IGF2R: variants seen among roughly 807,000 people sequenced by gnomAD.
The protein encoded by IGF2R is cation-independent mannose-6-phosphate receptor.
In IGF2R, 91 loss-of-function variants were observed where a neutral mutation model predicts 270.6. The observed-to-expected ratio is 0.34, with a 90% confidence interval of 0.28 to 0.40. The LOEUF (loss-of-function observed/expected upper bound fraction) is 0.40, where lower values mean the gene tolerates loss of function less well. Ranked by LOEUF, IGF2R falls within the 10% of genes least tolerant of loss-of-function variation. The pLI, the probability that IGF2R is intolerant of heterozygous loss-of-function variation, is 1.00. For missense variants in IGF2R, 2,805 were observed against 3,188.3 expected, an observed-to-expected ratio of 0.88 and a Z score of 2.90; for synonymous variants, 1,316 against 1,258.9, an observed-to-expected ratio of 1.05 and a Z score of -0.96.
chr6:160,039,374 G>A (rs1004121983), intron 10 of IGF2R, among the ~76,000 whole-genome samples: 1 of 152,176 alleles, frequency 6.6e-6, no homozygotes, highest in African/African-American at 2.4e-5. Context: ...GCAGTCTGTT[G>A]TTGACCAAAT....
Position 160,050,980 on chromosome 6 carries a change from G to A in IGF2R, c.2694+328G>A, listed in dbSNP as rs1206430866. On this transcript the variant is annotated intron_variant, in intron 19 of 47. Coordinates refer to ENST00000356956, the MANE Select transcript of IGF2R (RefSeq NM_000876.4). This position sits in a 1 kb window ranked among gnomAD's most constrained non-coding sequence, Gnocchi z 4.0. ...CTTGTGAGTTGAGGATCGTGGCAGT[G>A]GAACGGGGCTTAGAGATAGTTTGGT... Among the ~76,000 whole-genome samples the A allele has an allele frequency of 1.3e-5, 2 of 152,156 alleles. No individual in the cohort carries two copies. The highest frequency in any genetic ancestry group is 2.4e-5 in the African/African-American group (1 of 41,456).
Position 159,986,401 on chromosome 6 carries a change from T to TG in IGF2R, c.150-4783_150-4782insG, listed in dbSNP as rs1373228663. ...CGTGCGCGACCATGCCTGGCTAATTTTTGTGTGTGTGTGTGTGTGTGTGTG... is the reference window on the plus strand; with the variant it reads ...CGTGCGCGACCATGCCTGGCTAATTTGTTGTGTGTGTGTGTGTGTGTGTGTG... On this transcript the variant is annotated intron_variant, in intron 1 of 47. Coordinates refer to ENST00000356956, the MANE Select transcript of IGF2R (RefSeq NM_000876.4). Among the ~76,000 whole-genome samples the TG allele has an allele frequency of 5.8e-4, 65 of 113,032 alleles. 1 individual carries two copies. The highest frequency in any genetic ancestry group is 5.0e-3 in the East Asian group (17 of 3,406). 74.2% of individuals were successfully genotyped at this position (113,032 alleles called of 152,430 possible). A position where few individuals can be genotyped will look rare whatever the true frequency, so the allele number is the denominator to read the frequency against.
At chr6:160,098,831 C>T (rs978609955) in intron 45 of IGF2R, among the ~76,000 whole-genome samples, 1 of 152,034 alleles carries the variant, frequency 6.6e-6, no homozygotes, top group Non-Finnish European at 1.5e-5. Context: ...GAAAAAAAAT[C>T]ATGTAACTAT....
Position 160,050,618 on chromosome 6 carries a change from C to T in IGF2R, c.2660C>T (p.Thr887Met), listed in dbSNP as rs752875889. ...GATGGCAGACAGACCACATATACCA[C>T]GAGGATCCATCTCGTCTGCTCCAGG... The part of the protein sequence containing the change: ...TSDGRQTTYT[T>M]RIHLVCSRGR... Residue 887 changes from threonine to methionine, a missense_variant, in exon 19 of 48, where the codon ACG becomes ATG. By Grantham distance (81) the Thr-to-Met change is moderately conservative. Around this residue, in one of 2 missense-constraint regions of IGF2R, gnomAD observed 1,851 missense variants for 2,207.2 expected, o/e 0.84. Transcript: ENST00000356956. The surrounding 1 kb of genome is among the most constrained non-coding windows in gnomAD (Gnocchi z 4.0). 23 of 1,612,382 alleles carry T rather than the reference C, an allele frequency of 1.4e-5. No homozygotes were observed. The highest frequency in any genetic ancestry group is 1.6e-4 in the Middle Eastern group (1 of 6,078).
In IGF2R at chr6:160,065,814, G is replaced by GTGTGTATA; in HGVS notation, c.4115+914_4115+915insGTGTATAT. 2.0e-3 allele frequency among the ~76,000 whole-genome samples: 154 copies of GTGTGTATA among 78,334 alleles called. 1 individual carries two copies. Among genetic ancestry groups the GTGTGTATA allele is most frequent in the African/African-American group, 6.5e-3 (116 of 17,738 alleles). The allele number at this position is 78,334 out of a possible 152,430, so 51.4% of individuals were successfully genotyped here. Reference sequence around the variant, plus strand: ...TGTGTGTGTGTGTGTGTGTGTGTGTGTATATATATATATATATATATATAT... The same window carrying GTGTGTATA: ...TGTGTGTGTGTGTGTGTGTGTGTGTGTGTGTATATATATATATATATATATATATATAT... On this transcript the variant is annotated intron_variant, in intron 29 of 47. Coordinates refer to ENST00000356956, the MANE Select transcript of IGF2R (RefSeq NM_000876.4).
intron 4 of IGF2R, among the ~76,000 whole-genome samples, chr6:160,020,796 A>G (rs1307794027): frequency 6.6e-6 from 1 of 152,202 alleles, no homozygotes; most frequent in African/African-American, 2.4e-5. Context: ...AAATTAACTC[A>G]GGTCGGATTA....
chr6:159,982,539 T>C (rs1443457787), intron 1 of IGF2R, among the ~76,000 whole-genome samples: 8 of 152,266 alleles, frequency 5.3e-5, no homozygotes, highest in Non-Finnish European at 7.3e-5. Context: ...ATTTCACTTA[T>C]GTGTCACCAA....
intron 47 of IGF2R, among the ~76,000 whole-genome samples, 192 bp from the exon 48 acceptor site, chr6:160,104,482 A>G (rs1779568032): frequency 6.6e-6 from 1 of 151,974 alleles, no homozygotes; most frequent in Non-Finnish European, 1.5e-5. Flanking sequence ...GTGCAGTCTC[A>G]TTAGGAACAG....
At chr6:160,072,685 T>C (rs1406960928) in intron 32 of IGF2R, 80 bp from the exon 33 acceptor site, 1 of 1,506,268 alleles carries the variant, frequency 6.6e-7, no homozygotes, top group Admixed American at 1.7e-5. Context: ...ACATAATCTG[T>C]GTGTGAGCTC....
At chr6:160,003,612 T>C (rs571588817) in intron 2 of IGF2R, 1 of 152,362 alleles carries the variant, frequency 6.6e-6, no homozygotes, top group East Asian at 1.9e-4. Context: ...GTACATTATA[T>C]TAAAACATAG....
chr6:160,053,471 G>A (rs1277032054), intron 19 of IGF2R, among the ~76,000 whole-genome samples: 1 of 152,120 alleles, frequency 6.6e-6, no homozygotes, highest in Non-Finnish European at 1.5e-5. Context: ...AGGTAGAGGA[G>A]GTGAGTGGGA....
rs1779043378 is a variant in IGF2R at position 160,084,002 on chromosome 6, C to T, written c.5886C>T (p.Asp1962=). The T allele has an allele frequency of 6.2e-7, 1 of 1,614,154 alleles. No individual in the cohort carries two copies. The highest frequency in any genetic ancestry group is 1.3e-5 in the African/African-American group (1 of 75,038). ...SIIFKCDEDE[D]IGRPQVFSEV... ...TATTTAAGTGTGATGAAGATGAGGACATTGGGAGGCCACAAGTCTTCAGTG... is the reference window on the plus strand; with the variant it reads ...TATTTAAGTGTGATGAAGATGAGGATATTGGGAGGCCACAAGTCTTCAGTG... Residue 1962 remains aspartate (D), a synonymous_variant, in exon 40 of 48, where the codon GAC becomes GAT. Transcript: ENST00000356956. This position sits in a 1 kb window ranked among gnomAD's most constrained non-coding sequence, Gnocchi z 4.6.
chr6:160,059,219 C>G, intron 22 of IGF2R, 121 bp downstream of exon 22: 1 of 773,600 alleles, frequency 1.3e-6, no homozygotes, highest in Non-Finnish European at 2.0e-6. Context: ...GTGCTGTCCA[C>G]CTTGCTGCAG....
chr6:160,053,909 GGTCT>G (rs1333554454), intron 19 of IGF2R, among the ~76,000 whole-genome samples: 3 of 152,006 alleles, frequency 2.0e-5, no homozygotes, highest in Non-Finnish European at 4.4e-5. Context: ...AGAGATGGGG[GGTCT>G]GTCTATGTGG....
intron 9 of IGF2R, among the ~76,000 whole-genome samples, chr6:160,033,912 T>TA: frequency 6.6e-6 from 1 of 152,342 alleles, no homozygotes. Flanking sequence ...TAGGGGCAGT[T>TA]ACGATTCAAA....
At chr6:159,988,036 C>G (rs10945646) in intron 1 of IGF2R, among the ~76,000 whole-genome samples, 42,822 of 152,016 alleles carry the variant, frequency 0.28, 6,606 homozygotes, top group East Asian at 0.56. Context: ...AGTATGAAAT[C>G]CAAGTAGAGA....
chr6:160,056,388 A>T, intron 19 of IGF2R, 36 bp from the exon 20 acceptor site: 1 of 1,350,606 alleles, frequency 7.4e-7, no homozygotes, highest in Non-Finnish European at 1.1e-6. Context: ...GTTCCATGTT[A>T]CTGTATTGAC....
intron 14 of IGF2R, among the ~76,000 whole-genome samples, 168 bp from the exon 15 acceptor site, chr6:160,046,330 C>T (rs931025232): frequency 1.3e-5 from 2 of 152,104 alleles, no homozygotes; most frequent in African/African-American, 4.8e-5. Flanking sequence ...TGTTAGTAAT[C>T]GCGGTTCTGG....
Position 160,027,824 on chromosome 6 carries a change from G to A in IGF2R, c.776+510G>A, listed in dbSNP as rs117015923. Among the ~76,000 whole-genome samples, 299 of 152,292 alleles carry A rather than the reference G, an allele frequency of 2.0e-3. 13 individuals are homozygous for A. The East Asian group carries it at 0.045, about 23-fold the overall frequency. ...TTGTATCTTGCCTTGGCAGACATAC[G>A]CATTTCTCTAGTGTGTTGCACATGA... On this transcript the variant is annotated intron_variant, in intron 6 of 47. Coordinates refer to ENST00000356956, the MANE Select transcript of IGF2R (RefSeq NM_000876.4).
Sources: gnomAD v4.1 joint callset for allele counts (sites outside exome capture counted in the v4.1 genomes callset) on GRCh38, gnomAD v4.1.1 for gene constraint, gnomAD v4.1.1 regional missense constraint, Gnocchi (gnomAD v3.1) non-coding constraint, MANE v1.5 for transcripts, NCBI Gene and HGNC (gene_info 2026-07-23, HGNC 2026-07-21) for gene names.